The following TFCP2 variants were observed in gnomAD, a reference collection of about 807,000 sequenced individuals.
TFCP2 encodes alpha-globin transcription factor CP2.
Under a neutral mutation model 73.4 loss-of-function variants are expected in TFCP2, and 33 were observed. The ratio of observed to expected loss-of-function variants is 0.45; its 90% CI spans 0.34 to 0.60. The LOEUF (loss-of-function observed/expected upper bound fraction) is 0.60. Among genes scored for constraint, TFCP2 ranks in the 20% least tolerant of loss-of-function variants. TFCP2 has a pLI of 0.01. For synonymous variants in TFCP2, 193 were observed against 211.6 expected (o/e 0.91, Z 0.76); for missense variants, 352 against 604.0 (o/e 0.58, Z 4.37).
In TFCP2 at chr12:51,107,439, A is replaced by C. The variant is rs1033606677; in HGVS notation, c.718-93T>G. On this transcript the variant is annotated intron_variant, in intron 6 of 14. Transcript: ENST00000257915. Reference sequence around the variant, plus strand: ...AACTTAAATATTCATGTATGAAACAAAATTGTATGTGCAGTGATGTAAAGG... The same window carrying C: ...AACTTAAATATTCATGTATGAAACACAATTGTATGTGCAGTGATGTAAAGG... 16 of 969,762 alleles carry C rather than the reference A, an allele frequency of 1.6e-5. No homozygotes were observed. The African/African-American group carries it at 2.6e-4, about 16-fold the overall frequency. 60.1% of individuals were successfully genotyped at this position (969,762 alleles called of 1,614,324 possible).
At chr12:51,149,393 A>C (rs749752420) in intron 1 of TFCP2, among the ~76,000 whole-genome samples, 4 of 152,060 alleles carry the variant, frequency 2.6e-5, no homozygotes, top group Admixed American at 6.6e-5. Flanking sequence ...GTAACCAAAC[A>C]CTACCTGTTC....
In TFCP2 at chr12:51,158,826, G is replaced by GA. The variant is rs1333283241; in HGVS notation, c.122+13474dup. On this transcript the variant is annotated intron_variant, in intron 1 of 14. Transcript: ENST00000257915. Reference sequence around the variant, plus strand: ...TATCTGGCTCTCAAAAGGGAAAAAAGAAAAAAAAATGGAGACGGGGAGTAT... The same window carrying GA: ...TATCTGGCTCTCAAAAGGGAAAAAAGAAAAAAAAAATGGAGACGGGGAGTAT... Among the ~76,000 whole-genome samples the GA allele has an allele frequency of 4.1e-5, 6 of 146,672 alleles. No homozygotes were observed. The East Asian group carries it at 6.1e-4, about 15-fold the overall frequency.
Position 51,137,596 on chromosome 12 carries a change from A to C in TFCP2, c.123-18824T>G, listed in dbSNP as rs139105094. ...CATTAAAACACTGCTAATTGAAAACATCACCTGTGGCATCATTAGTACTAG... is the reference window on the plus strand; with the variant it reads ...CATTAAAACACTGCTAATTGAAAACCTCACCTGTGGCATCATTAGTACTAG... On this transcript the variant is annotated intron_variant, in intron 1 of 14. Transcript: ENST00000257915. 5.9e-5 allele frequency among the ~76,000 whole-genome samples: 9 copies of C among 152,320 alleles called. No individual in the cohort carries two copies. In the East Asian group the frequency reaches 1.7e-3, roughly 29 times the overall value.
chr12:51,136,854 G>A (rs943261796), intron 1 of TFCP2, among the ~76,000 whole-genome samples: 3 of 152,162 alleles, frequency 2.0e-5, no homozygotes, highest in Admixed American at 6.5e-5. Flanking sequence ...GCTGAGGCAG[G>A]AGAATTGCTT....
At chr12:51,113,926 T>C (rs1181017928) in intron 4 of TFCP2, among the ~76,000 whole-genome samples, 7 of 152,124 alleles carry the variant, frequency 4.6e-5, no homozygotes. Context: ...GGTTGTACCA[T>C]ATACAAACAC....
intron 7 of TFCP2, 28 bp from the exon 8 acceptor site, chr12:51,106,641 G>T: frequency 6.3e-7 from 1 of 1,582,790 alleles, no homozygotes; most frequent in South Asian, 1.1e-5. Context: ...GTTAGATAAT[G>T]AACGAGCACA....
intron 7 of TFCP2, 39 bp from the exon 8 acceptor site, chr12:51,106,652 T>C: frequency 3.3e-6 from 5 of 1,534,186 alleles, no homozygotes; most frequent in Non-Finnish European, 3.6e-6. Flanking sequence ...AACGAGCACA[T>C]ATGACCCCAG....
intron 1 of TFCP2, among the ~76,000 whole-genome samples, chr12:51,123,324 G>A (rs1024869642): frequency 6.6e-6 from 1 of 152,196 alleles, no homozygotes; most frequent in African/African-American, 2.4e-5. Context: ...TGCTGCGGGA[G>A]CAAAAGTATC....
chr12:51,119,498 C>T (rs1940606877), intron 1 of TFCP2, among the ~76,000 whole-genome samples: 1 of 152,214 alleles, frequency 6.6e-6, no homozygotes, highest in African/African-American at 2.4e-5. Context: ...TGCCTGTAAT[C>T]CCAGCAATTT....
chr12:51,153,671 A>C (rs1941476701), intron 1 of TFCP2, among the ~76,000 whole-genome samples: 1 of 152,204 alleles, frequency 6.6e-6, no homozygotes, highest in Non-Finnish European at 1.5e-5. Flanking sequence ...TTCGTGTCTG[A>C]CATTTCACAC....
Position 51,104,202 on chromosome 12 carries a change from T to C in TFCP2, c.919A>G (p.Asn307Asp), listed in dbSNP as rs1940176722. 1 of 1,613,810 alleles carries C rather than the reference T, an allele frequency of 6.2e-7. No individual in the cohort carries two copies. Among genetic ancestry groups the C allele is most frequent in the Non-Finnish European group, 8.5e-7 (1 of 1,179,838 alleles). Residue 307 changes from asparagine to aspartate, a missense_variant and splice_region_variant, in exon 9 of 15, where the codon AAT becomes GAT. This residue lies in a region of TFCP2 where 194 missense variants were observed against 256.3 expected (regional missense o/e 0.76). Transcript: ENST00000257915. Reference protein sequence around the residue: ...SHSSFSLGEGNGSPNHQPEPP... With the variant: ...SHSSFSLGEGDGSPNHQPEPP... The stretch of plus-strand genomic sequence containing the variant: ...TCTGGCTGGTGGTTTGGTGAACCAT[T>C]TCTAAAGAAACATTTAAAATGAAAG...
chr12:51,164,597 GAA>G (rs34452012), intron 1 of TFCP2, among the ~76,000 whole-genome samples: 20 of 99,344 alleles, frequency 2.0e-4, no homozygotes, highest in African/African-American at 5.5e-4. Context: ...ACTCCATCTC[GAA>G]AAAAAAAAAA....
intron 1 of TFCP2, among the ~76,000 whole-genome samples, chr12:51,132,716 G>A (rs2137004779): frequency 6.6e-6 from 1 of 152,100 alleles, no homozygotes; most frequent in South Asian, 2.1e-4. Context: ...TTGCACTTTT[G>A]GGAACCCTGA....
At chr12:51,098,755 C>A in intron 13 of TFCP2, 21 bp downstream of exon 13, 1 of 1,613,742 alleles carries the variant, frequency 6.2e-7, no homozygotes, top group Non-Finnish European at 8.5e-7. Flanking sequence ...TCTGGTAATT[C>A]AACTGTACTG....
At chr12:51,132,674 T>A (rs1940975771) in intron 1 of TFCP2, among the ~76,000 whole-genome samples, 1 of 152,080 alleles carries the variant, frequency 6.6e-6, no homozygotes, top group African/African-American at 2.4e-5. Context: ...CGGCCGGGTC[T>A]AGTCTTTAAG....
rs17855449 is a variant in TFCP2, at chr12:51,124,704, G to A, written c.123-5932C>T. The A allele has an allele frequency of 1.8e-3, 1,189 of 671,482 alleles. 3 individuals carry two copies. Among genetic ancestry groups the A allele is most frequent in the Non-Finnish European group, 2.6e-3 (922 of 358,516 alleles). 41.6% of individuals were successfully genotyped at this position (671,482 alleles called of 1,614,324 possible). Reference sequence around the variant, plus strand: ...GTCCCCCGCGGTGGCCAGTGAGTTGGCAATCAGCTCGGTTGCCTTGGAGTC... The same window carrying A: ...GTCCCCCGCGGTGGCCAGTGAGTTGACAATCAGCTCGGTTGCCTTGGAGTC... On this transcript the variant is annotated intron_variant, in intron 1 of 14. Transcript: ENST00000257915.
chr12:51,128,524 A>G (rs1310665223), intron 1 of TFCP2, among the ~76,000 whole-genome samples: 2 of 152,032 alleles, frequency 1.3e-5, no homozygotes, highest in African/African-American at 4.8e-5. Context: ...GGGAACATCT[A>G]GAAACCATAA....
chr12:51,124,206 C>T (rs1940747873), intron 1 of TFCP2, among the ~76,000 whole-genome samples: 1 of 152,038 alleles, frequency 6.6e-6, no homozygotes, highest in South Asian at 2.1e-4. Flanking sequence ...AGGGATCCTC[C>T]AGCCTCAGCC....
intron 1 of TFCP2, among the ~76,000 whole-genome samples, chr12:51,125,787 G>C (rs918563476): frequency 6.6e-6 from 1 of 152,124 alleles, no homozygotes; most frequent in Admixed American, 6.6e-5. Flanking sequence ...CCCTATCTCT[G>C]ATCAAAATAT....
Sources: gnomAD v4.1 joint callset for allele counts (sites outside exome capture counted in the v4.1 genomes callset) on GRCh38, gnomAD v4.1.1 for gene constraint, gnomAD v4.1.1 regional missense constraint, MANE v1.5 for transcripts, NCBI Gene and HGNC (gene_info 2026-07-23, HGNC 2026-07-21) for gene names.